The following CSMD1 variants were observed in gnomAD, a reference collection of about 807,000 sequenced individuals.
CSMD1 encodes the protein CUB and Sushi multiple domains 1, also known as CUB and sushi domain-containing protein 1.
A neutral mutation model predicts 417.5 loss-of-function variants in CSMD1; 213 were observed. The observed-to-expected ratio is 0.51, with a 90% CI of 0.46 to 0.57. The LOEUF is 0.57. CSMD1 is among the 20% of genes least tolerant of loss of function. The pLI, the probability that CSMD1 is intolerant of heterozygous loss-of-function variation, is 0.00. For synonymous variants in CSMD1, 2,862 were observed against 1,736.8 expected, an observed-to-expected ratio of 1.65 and a Z score of -16.11; for missense variants, 6,923 against 4,529.7, an observed-to-expected ratio of 1.53 and a Z score of -15.17.
At chr8:4,324,398 G>A (rs1331589240) in intron 3 of CSMD1, among the ~76,000 whole-genome samples, 1 of 152,222 alleles carries the variant, frequency 6.6e-6, no homozygotes, top group Non-Finnish European at 1.5e-5. Context: ...GGAGCAAGGA[G>A]GGGTTCCTCA....
chr8:3,281,155 T>C (rs927378919), intron 26 of CSMD1, among the ~76,000 whole-genome samples: 1 of 152,028 alleles, frequency 6.6e-6, no homozygotes, highest in African/African-American at 2.4e-5. Context: ...AGAAAATGGG[T>C]AAACAGGCTG....
At chr8:4,935,828 T>A (rs912272825) in intron 1 of CSMD1, among the ~76,000 whole-genome samples, 3 of 152,244 alleles carry the variant, frequency 2.0e-5, no homozygotes, top group African/African-American at 7.2e-5. Context: ...CTCGGCCTGC[T>A]GTTTACCAAA....
intron 1 of CSMD1, among the ~76,000 whole-genome samples, chr8:4,950,291 G>C (rs956973798): frequency 2.6e-5 from 4 of 152,018 alleles, no homozygotes; most frequent in Admixed American, 6.6e-5. Context: ...GGTTAATTCT[G>C]ATTAGTAAGT....
intron 5 of CSMD1, among the ~76,000 whole-genome samples, chr8:3,791,391 T>G (rs1192200951): frequency 6.6e-6 from 1 of 152,232 alleles, no homozygotes; most frequent in Non-Finnish European, 1.5e-5. Context: ...CTTTCAAAGC[T>G]CTTTGACAGG....
chr8:4,435,450 A>G (rs920325769), intron 2 of CSMD1, among the ~76,000 whole-genome samples: 4 of 152,224 alleles, frequency 2.6e-5, no homozygotes, highest in Non-Finnish European at 4.4e-5. Context: ...TGTTAAACTT[A>G]TCACTGGTTT....
intron 2 of CSMD1, among the ~76,000 whole-genome samples, chr8:4,479,711 T>C (rs1392734335): frequency 6.6e-6 from 1 of 152,050 alleles, no homozygotes; most frequent in African/African-American, 2.4e-5. Flanking sequence ...CTGGCCAACA[T>C]GGTGAAACCC....
At chr8:3,952,943 G>C (rs1811688173) in intron 5 of CSMD1, among the ~76,000 whole-genome samples, 2 of 151,914 alleles carry the variant, frequency 1.3e-5, no homozygotes, top group Admixed American at 1.3e-4. Flanking sequence ...TAATGAAAAA[G>C]AAAGGAATAC....
chr8:3,183,603 A>G (rs1245232309), intron 36 of CSMD1, among the ~76,000 whole-genome samples: 1 of 148,842 alleles, frequency 6.7e-6, no homozygotes, highest in Non-Finnish European at 1.5e-5. Context: ...AATATCGAGT[A>G]GGTCTCTAAT....
rs78505078 is a variant in CSMD1 at position 4,441,349 on chromosome 8, G to C, written c.303-21284C>G. On this transcript the variant is annotated intron_variant, in intron 2 of 69. Coordinates refer to ENST00000635120, the MANE Select transcript of CSMD1 (RefSeq NM_033225.6). ...GCTAGTTTTAAACAGCTGGCCCCAA[G>C]CAATCCTCCTGTCTGAGCCTCCTAA... Among the ~76,000 whole-genome samples the C allele has an allele frequency of 9.2e-3, 1,325 of 143,888 alleles. 19 individuals carry two copies. The highest frequency in any genetic ancestry group is 0.032 in the African/African-American group (1,251 of 38,734). 94.4% of individuals were successfully genotyped at this position (143,888 alleles called of 152,430 possible). A position where few individuals can be genotyped will look rare whatever the true frequency, so the allele number is the denominator to read the frequency against.
intron 7 of CSMD1, among the ~76,000 whole-genome samples, chr8:3,642,026 A>C (rs1797331842): frequency 6.6e-6 from 1 of 152,168 alleles, no homozygotes; most frequent in Non-Finnish European, 1.5e-5. Context: ...CCCTCACCAC[A>C]TCTGCAAACC....
At chr8:3,809,905 T>C (rs377276413) in intron 5 of CSMD1, among the ~76,000 whole-genome samples, 7 of 152,262 alleles carry the variant, frequency 4.6e-5, no homozygotes, top group Admixed American at 3.3e-4. Flanking sequence ...TCTCCCATCT[T>C]TAATCTAATC....
chr8:3,983,823 C>G (rs1466808474), intron 5 of CSMD1, among the ~76,000 whole-genome samples: 1 of 152,112 alleles, frequency 6.6e-6, no homozygotes, highest in African/African-American at 2.4e-5. Context: ...AGCTCCAGAG[C>G]ACCTGGCAGA....
At chr8:4,760,629 T>C (rs1340180585) in intron 1 of CSMD1, among the ~76,000 whole-genome samples, 3 of 152,172 alleles carry the variant, frequency 2.0e-5, no homozygotes, top group African/African-American at 7.2e-5. Context: ...CAGCACAATA[T>C]TGTTGTATAA....
At chr8:3,832,784 C>G (rs1286244746) in intron 5 of CSMD1, among the ~76,000 whole-genome samples, 14 of 152,126 alleles carry the variant, frequency 9.2e-5, no homozygotes, top group African/African-American at 2.9e-4. Flanking sequence ...CCATCTGATC[C>G]AGATTAGAAA....
At chr8:4,155,081 G>C (rs75267966) in intron 3 of CSMD1, among the ~76,000 whole-genome samples, 3,688 of 152,264 alleles carry the variant, frequency 0.024, 131 homozygotes, top group African/African-American at 0.08. Context: ...TTTGTGCTTT[G>C]AACTCATGCA....
chr8:4,729,715 G>A (rs1020393807), intron 1 of CSMD1, among the ~76,000 whole-genome samples: 2 of 152,148 alleles, frequency 1.3e-5, no homozygotes, highest in Non-Finnish European at 2.9e-5. Context: ...TCAAAGCTGT[G>A]CTTACAACTC....
chr8:4,250,006 G>C (rs1377230223), intron 3 of CSMD1, among the ~76,000 whole-genome samples: 1 of 152,074 alleles, frequency 6.6e-6, no homozygotes, highest in Admixed American at 6.6e-5. Flanking sequence ...AAGTGTTTAG[G>C]TCATAAGGGC....
At chr8:4,703,908 C>G (rs1483621755) in intron 1 of CSMD1, among the ~76,000 whole-genome samples, 1 of 152,134 alleles carries the variant, frequency 6.6e-6, no homozygotes, top group Non-Finnish European at 1.5e-5. Context: ...ACTGTTCCAC[C>G]TCAGATCATC....
intron 5 of CSMD1, among the ~76,000 whole-genome samples, chr8:3,829,840 T>C (rs1449102974): frequency 1.3e-5 from 2 of 152,196 alleles, no homozygotes; most frequent in African/African-American, 2.4e-5. Flanking sequence ...TTAAGAAAGC[T>C]CTTTTTGAAT....
Sources: gnomAD v4.1 joint callset for allele counts (sites outside exome capture counted in the v4.1 genomes callset) on GRCh38, gnomAD v4.1.1 for gene constraint, MANE v1.5 for transcripts, NCBI Gene and HGNC (gene_info 2026-07-23, HGNC 2026-07-21) for gene names.